The following MTUS2 variants were observed in gnomAD, a reference collection of about 807,000 sequenced individuals.
MTUS2 encodes the protein microtubule associated scaffold protein 2, also known as microtubule-associated tumor suppressor candidate 2.
A neutral mutation model predicts 114.1 loss-of-function variants in MTUS2; 40 were observed. The ratio of observed to expected loss-of-function variants is 0.35; its 90% CI spans 0.27 to 0.46. The LOEUF (loss-of-function observed/expected upper bound fraction) is 0.46, where lower values mean the gene tolerates loss of function less well. MTUS2 is among the 20% of genes least tolerant of loss of function. The probability of loss-of-function intolerance (pLI) is 1.00; values close to 1 mark genes in which losing one functional copy is unlikely to be tolerated. For missense variants in MTUS2, 1,679 were observed against 1,705.4 expected (o/e 0.98, Z 0.27); for synonymous variants, 688 against 672.0 (o/e 1.02, Z -0.37).
chr13:28,954,887 G>C (rs1224083694), intron 2 of MTUS2, among the ~76,000 whole-genome samples: 1 of 152,112 alleles, frequency 6.6e-6, no homozygotes, highest in African/African-American at 2.4e-5. Context: ...CCATTCAGAA[G>C]TCTCTTCATA....
chr13:29,332,970 G>A (rs1014150662), intron 7 of MTUS2, among the ~76,000 whole-genome samples: 5 of 151,810 alleles, frequency 3.3e-5, no homozygotes, highest in African/African-American at 4.8e-5. Context: ...TTAGAGTGTC[G>A]ATTTTAGATC....
chr13:29,173,038 G>A (rs987932466), intron 5 of MTUS2, among the ~76,000 whole-genome samples: 2 of 151,836 alleles, frequency 1.3e-5, no homozygotes, highest in African/African-American at 4.8e-5. Flanking sequence ...CCTTCATATA[G>A]GCACCAAATT....
Position 29,026,116 on chromosome 13 carries a change from A to G in MTUS2, c.1418A>G (p.Asn473Ser), listed in dbSNP as rs368323641. 5.3e-5 allele frequency: 86 copies of G among 1,614,010 alleles called. No individual in the cohort carries two copies. The South Asian group carries it at 6.0e-4, about 11-fold the overall frequency. Residue 473 changes from asparagine (N) to serine (S), a missense_variant, in exon 3 of 16, where the codon AAT becomes AGT. By Grantham distance (46) the Asn-to-Ser change is conservative. Around this residue, in one of 3 missense-constraint regions of MTUS2, gnomAD observed 843 missense variants for 770.8 expected, o/e 1.09. Coordinates refer to ENST00000612955, the MANE Select transcript of MTUS2 (RefSeq NM_001033602.4). The stretch of plus-strand genomic sequence containing the variant: ...GACAGTGTTATGGTTTTGGTGTTCA[A>G]TCCTTCTGTTGGAGAGAACAAGACG... ...NKDSVMVLVF[N>S]PSVGENKTEV...
intron 2 of MTUS2, among the ~76,000 whole-genome samples, chr13:28,949,868 G>A (rs1364147997): frequency 1.3e-5 from 2 of 152,190 alleles, no homozygotes; most frequent in African/African-American, 2.4e-5. Context: ...CACTTGCACT[G>A]CCTCTGCATT....
chr13:29,157,560 G>A (rs1017228619), intron 5 of MTUS2, among the ~76,000 whole-genome samples: 1 of 152,128 alleles, frequency 6.6e-6, no homozygotes, highest in Non-Finnish European at 1.5e-5. Flanking sequence ...AGGACCTTGA[G>A]CTCTGAGGAT....
intron 2 of MTUS2, among the ~76,000 whole-genome samples, chr13:28,912,214 A>C (rs1277460594): frequency 6.6e-6 from 1 of 152,118 alleles, no homozygotes; most frequent in Non-Finnish European, 1.5e-5. Context: ...TTCCAATTTC[A>C]AATTTTTTGC....
intron 5 of MTUS2, among the ~76,000 whole-genome samples, chr13:29,256,415 G>C (rs889502400): frequency 6.6e-6 from 1 of 152,220 alleles, no homozygotes; most frequent in Non-Finnish European, 1.5e-5. Flanking sequence ...GACGAGGTCT[G>C]TGAGATGAAG....
At chr13:29,368,469 A>G (rs1219468778) in intron 8 of MTUS2, among the ~76,000 whole-genome samples, 1 of 152,192 alleles carries the variant, frequency 6.6e-6, no homozygotes, top group African/African-American at 2.4e-5. Flanking sequence ...TTATATTTCA[A>G]AATAGCCAGA....
rs1440780175 is a variant in MTUS2 at position 29,148,404 on chromosome 13, C to G, written c.2644+47434C>G. On this transcript the variant is annotated intron_variant, in intron 5 of 15. Transcript: ENST00000612955. Reference sequence around the variant, plus strand: ...AGACCCCAGTGTGTGTTGTTGCCCCCCCATGTGTCCATGTGTTCTCATCAT... The same window carrying G: ...AGACCCCAGTGTGTGTTGTTGCCCCGCCATGTGTCCATGTGTTCTCATCAT... 7.9e-5 allele frequency among the ~76,000 whole-genome samples: 12 copies of G among 151,698 alleles called. No individual in the cohort carries two copies. In the East Asian group the frequency reaches 2.3e-3, roughly 30 times the overall value.
chr13:29,080,162 C>T (rs1439914181), intron 4 of MTUS2, among the ~76,000 whole-genome samples: 1 of 152,058 alleles, frequency 6.6e-6, no homozygotes, highest in East Asian at 1.9e-4. Flanking sequence ...TAGGTGGATT[C>T]GTATCTCAAT....
At chr13:29,176,875 C>T (rs1226643595) in intron 5 of MTUS2, among the ~76,000 whole-genome samples, 2 of 151,322 alleles carry the variant, frequency 1.3e-5, no homozygotes, top group Non-Finnish European at 2.9e-5. Context: ...CCTCCTCCCT[C>T]CTCTCTCTGG....
chr13:29,051,320 G>A lies in MTUS2; in HGVS notation c.2446+17195G>A, dbSNP rs115843507. On this transcript the variant is annotated intron_variant, in intron 4 of 15. Transcript: ENST00000612955. ...TGGCTTGAGCTACCGGAAGGATGGT[G>A]ATGTTATTTATTCATGTAGGTTGAC... Among the ~76,000 whole-genome samples, 441 of 152,264 alleles carry A rather than the reference G, an allele frequency of 2.9e-3. 3 individuals carry two copies. The highest frequency in any genetic ancestry group is 8.8e-3 in the African/African-American group (364 of 41,560).
At chr13:29,002,810 G>A (rs4277206) in intron 2 of MTUS2, among the ~76,000 whole-genome samples, 2,696 of 152,266 alleles carry the variant, frequency 0.018, 83 homozygotes, top group African/African-American at 0.061. Context: ...GCTCCCTCTT[G>A]ACATAATTCA....
chr13:28,939,868 G>C (rs1882128670), intron 2 of MTUS2, among the ~76,000 whole-genome samples: 1 of 152,192 alleles, frequency 6.6e-6, no homozygotes, highest in Non-Finnish European at 1.5e-5. Flanking sequence ...GGCTAGGGAG[G>C]CCTCACAATC....
intron 2 of MTUS2, among the ~76,000 whole-genome samples, chr13:28,964,057 C>T (rs1883462036): frequency 6.6e-6 from 1 of 152,216 alleles, no homozygotes; most frequent in African/African-American, 2.4e-5. Flanking sequence ...ATTCTAACCT[C>T]TAGCCCTAAC....
At chr13:29,169,385 G>A (rs1893458955) in intron 5 of MTUS2, among the ~76,000 whole-genome samples, 1 of 152,148 alleles carries the variant, frequency 6.6e-6, no homozygotes, top group Non-Finnish European at 1.5e-5. Flanking sequence ...AAATATAGTT[G>A]TTTGGAAGAG....
intron 8 of MTUS2, among the ~76,000 whole-genome samples, chr13:29,431,891 C>G (rs1296475629): frequency 6.6e-6 from 1 of 152,006 alleles, no homozygotes; most frequent in East Asian, 1.9e-4. Context: ...GTCACCCAGT[C>G]TGGAGTGCAG....
At chr13:28,909,660 T>C (rs999159547) in intron 2 of MTUS2, among the ~76,000 whole-genome samples, 4 of 152,088 alleles carry the variant, frequency 2.6e-5, no homozygotes, top group Non-Finnish European at 4.4e-5. Flanking sequence ...TTCAACATAG[T>C]GTTGGAAGTT....
chr13:28,894,811 G>T (rs1448827840), intron 2 of MTUS2, among the ~76,000 whole-genome samples: 2 of 152,182 alleles, frequency 1.3e-5, no homozygotes, highest in Non-Finnish European at 2.9e-5. Context: ...TTTGCAGCCA[G>T]GGAAAATGTA....
Sources: allele counts gnomAD v4.1 joint callset (sites outside exome capture counted in the v4.1 genomes callset), GRCh38; gene constraint gnomAD v4.1.1; regional missense constraint gnomAD v4.1.1; transcripts MANE v1.5; gene names NCBI Gene and HGNC (gene_info 2026-07-23, HGNC 2026-07-21).